Variants in AP2M1 observed in about 807,000 individuals in gnomAD.
AP2M1 encodes the protein adaptor related protein complex 2 subunit mu 1.
A neutral mutation model predicts 54.5 loss-of-function variants in AP2M1; 5 were observed. The observed-to-expected ratio is 0.09, with a 90% CI of 0.05 to 0.19. The LOEUF (loss-of-function observed/expected upper bound fraction) is 0.19, where lower values mean the gene tolerates loss of function less well. Among genes scored for constraint, AP2M1 ranks in the 10% least tolerant of loss-of-function variants. The probability of loss-of-function intolerance (pLI) is 1.00; values close to 1 mark genes in which losing one functional copy is unlikely to be tolerated. For missense variants in AP2M1, 178 were observed against 580.2 expected, an observed-to-expected ratio of 0.31 and a Z score of 7.12; for synonymous variants, 186 against 208.2, an observed-to-expected ratio of 0.89 and a Z score of 0.92.
rs755725698 is a variant in AP2M1 at position 184,182,738 on chromosome 3, A to G, written c.1062-19A>G. 3 of 1,609,980 alleles carry G rather than the reference A, an allele frequency of 1.9e-6. No individual in the cohort carries two copies. The highest frequency in any genetic ancestry group is 4.5e-5 in the East Asian group (2 of 44,758). On this transcript the variant is annotated intron_variant, in intron 10 of 11. Transcript: ENST00000292807. This position sits in a 1 kb window ranked among gnomAD's most constrained non-coding sequence, Gnocchi z 5.5. ...TCCTCCAAGCCCCAATGGGCTGCCC[A>G]TTGTCCCTGTGTTCCCAGGATCAAG...
chr3:184,182,348 C>A lies in AP2M1; in HGVS notation c.1061+100C>A. 7.6e-7 allele frequency: 1 copy of A among 1,316,382 alleles called. No homozygotes were observed. Among genetic ancestry groups the A allele is most frequent in the Non-Finnish European group, 1.0e-6 (1 of 963,134 alleles). The allele number at this position is 1,316,382 out of a possible 1,614,324, so 81.5% of individuals were successfully genotyped here. ...TCTGAATGAGGGGCAGGGGAGTGTG[C>A]CTGTTTGCTTTTCTAGGAGCCTCTG... On this transcript the variant is annotated intron_variant, in intron 10 of 11. Transcript: ENST00000292807. This position sits in a 1 kb window ranked among gnomAD's most constrained non-coding sequence, Gnocchi z 5.5.
In AP2M1 at chr3:184,178,230, G is replaced by T; in HGVS notation, c.75-627G>T. ...TTGGCTGCCGTAGCAATAGGTAAGC[G>T]GCCTCTCAAGCTGCTGCCCAGGTAC... On this transcript the variant is annotated intron_variant, in intron 2 of 11. Transcript: ENST00000292807. The surrounding 1 kb of genome is among the most constrained non-coding windows in gnomAD (Gnocchi z 4.9). 1 of 1,536,066 alleles carries T rather than the reference G, an allele frequency of 6.5e-7. No individual in the cohort carries two copies. The highest frequency in any genetic ancestry group is 1.2e-5 in the South Asian group (1 of 84,062).
Position 184,180,090 on chromosome 3 carries a change from C to T in AP2M1, c.341-79C>T, listed in dbSNP as rs1715222215. On this transcript the variant is annotated intron_variant, in intron 3 of 11. Coordinates refer to ENST00000292807, the MANE Select transcript of AP2M1 (RefSeq NM_004068.4). The surrounding 1 kb of genome is among the most constrained non-coding windows in gnomAD (Gnocchi z 4.9). Reference sequence around the variant, plus strand: ...CCCACATGGGCTTTGGGAGCTGTGCCGGTCAGATGTGTAGGCCCAAGTAGG... The same window carrying T: ...CCCACATGGGCTTTGGGAGCTGTGCTGGTCAGATGTGTAGGCCCAAGTAGG... 5 of 1,365,386 alleles carry T rather than the reference C, an allele frequency of 3.7e-6. No homozygotes were observed. Among genetic ancestry groups the T allele is most frequent in the Admixed American group, 1.8e-5 (1 of 55,734 alleles). 84.6% of individuals were successfully genotyped at this position (1,365,386 alleles called of 1,614,324 possible).
At chr3:184,175,176 G>T in intron 1 of AP2M1, 2 of 392,836 alleles carry the variant, frequency 5.1e-6, no homozygotes, top group Non-Finnish European at 9.0e-6. Flanking sequence ...CACCTGACCC[G>T]CCTGGCGCCT....
intron 2 of AP2M1, chr3:184,177,676 G>T (rs1715120013): frequency 1.4e-6 from 2 of 1,434,248 alleles, no homozygotes; most frequent in African/African-American, 2.8e-5. Flanking sequence ...AGTAGACCCA[G>T]AGCAGCTCCA....
Position 184,183,499 on chromosome 3 carries a change from T to G in AP2M1, c.1191T>G (p.Ser397=), listed in dbSNP as rs749297458. Residue 397 remains serine, a synonymous_variant, in exon 12 of 12, where the codon TCT becomes TCG. Transcript: ENST00000292807. The surrounding 1 kb of genome is among the most constrained non-coding windows in gnomAD (Gnocchi z 5.7). ...TTGCCCAGGTGCCATTCGCGCCCTC[T>G]GGCCTCAAGGTGCGCTACTTGAAGG... is the stretch of plus-strand genomic sequence containing the variant. ...SMNFEVPFAP[S]GLKVRYLKVF... is the part of the protein sequence containing the mutation. 23 of 1,614,070 alleles carry G rather than the reference T, an allele frequency of 1.4e-5. No homozygotes were observed. Among genetic ancestry groups the G allele is most frequent in the Non-Finnish European group, 1.9e-5 (22 of 1,180,038 alleles).
chr3:184,182,291 C>T lies in AP2M1; in HGVS notation c.1061+43C>T. Reference sequence around the variant, plus strand: ...TAGGCCACAGCAGGGCTCAAGATCCCAGTATACCCTCTTGTTTTCAGCTTT... The same window carrying T: ...TAGGCCACAGCAGGGCTCAAGATCCTAGTATACCCTCTTGTTTTCAGCTTT... On this transcript the variant is annotated intron_variant, in intron 10 of 11. Coordinates refer to ENST00000292807, the MANE Select transcript of AP2M1 (RefSeq NM_004068.4). This position sits in a 1 kb window ranked among gnomAD's most constrained non-coding sequence, Gnocchi z 5.5. The T allele has an allele frequency of 1.9e-6, 3 of 1,589,236 alleles. No homozygotes were observed. Among genetic ancestry groups the T allele is most frequent in the Non-Finnish European group, 2.6e-6 (3 of 1,164,168 alleles).
chr3:184,181,529 G>T lies in AP2M1; in HGVS notation c.708-167G>T. ...AGAAGGAGCCCCAAGAGATGAGCTT[G>T]CAAGGCTTCCCTCTCATCCCAAGCT... On this transcript the variant is annotated intron_variant, in intron 7 of 11. Coordinates refer to ENST00000292807, the MANE Select transcript of AP2M1 (RefSeq NM_004068.4). This position sits in a 1 kb window ranked among gnomAD's most constrained non-coding sequence, Gnocchi z 5.7. 1 of 1,006,016 alleles carries T rather than the reference G, an allele frequency of 9.9e-7. No individual in the cohort carries two copies. Among genetic ancestry groups the T allele is most frequent in the Non-Finnish European group, 1.4e-6 (1 of 696,776 alleles). 62.3% of individuals were successfully genotyped at this position (1,006,016 alleles called of 1,614,324 possible).
rs1715312302 is a variant in AP2M1 at position 184,182,665 on chromosome 3, A to C, written c.1062-92A>C. ...TCTCCTTGTTCTGGCACCTCCTGCA[A>C]GCTCCTGGGCTCTCTCCTTGCTTGA... On this transcript the variant is annotated intron_variant, in intron 10 of 11. Transcript: ENST00000292807. The surrounding 1 kb of genome is among the most constrained non-coding windows in gnomAD (Gnocchi z 5.5). 1 of 1,090,188 alleles carries C rather than the reference A, an allele frequency of 9.2e-7. No homozygotes were observed. Among genetic ancestry groups the C allele is most frequent in the Admixed American group, 2.2e-5 (1 of 46,506 alleles). The allele number at this position is 1,090,188 out of a possible 1,614,324, so 67.5% of individuals were successfully genotyped here. A position where few individuals can be genotyped will look rare whatever the true frequency, so the allele number is the denominator to read the frequency against.
At position 184,180,112 on chromosome 3, in the gene AP2M1, T is replaced by C; in HGVS notation, c.341-57T>C. On this transcript the variant is annotated intron_variant, in intron 3 of 11. Transcript: ENST00000292807. This position sits in a 1 kb window ranked among gnomAD's most constrained non-coding sequence, Gnocchi z 4.9. ...TGCCGGTCAGATGTGTAGGCCCAAGTAGGGGCTGGAATGAAGAAGCTCTGT... is the reference window on the plus strand; with the variant it reads ...TGCCGGTCAGATGTGTAGGCCCAAGCAGGGGCTGGAATGAAGAAGCTCTGT... 6 of 1,567,772 alleles carry C rather than the reference T, an allele frequency of 3.8e-6. No homozygotes were observed. Among genetic ancestry groups the C allele is most frequent in the Middle Eastern group, 3.3e-4 (2 of 5,982 alleles).
In AP2M1 at chr3:184,180,293, C is replaced by T. The variant is rs749332461; in HGVS notation, c.423+42C>T. ...GACTATAGTCAGGGTGGAGTCCAAT[C>T]TCCCTTCATCTCAGCTGGCCCCTGA... On this transcript the variant is annotated intron_variant, in intron 4 of 11. Transcript: ENST00000292807. This position sits in a 1 kb window ranked among gnomAD's most constrained non-coding sequence, Gnocchi z 4.9. 1.3e-6 allele frequency: 2 copies of T among 1,599,308 alleles called. No homozygotes were observed. The highest frequency in any genetic ancestry group is 1.7e-6 in the Non-Finnish European group (2 of 1,168,308).
chr3:184,178,319 G>A lies in AP2M1; in HGVS notation c.75-538G>A. 1 of 1,438,984 alleles carries A rather than the reference G, an allele frequency of 6.9e-7. No homozygotes were observed. Among genetic ancestry groups the A allele is most frequent in the Non-Finnish European group, 9.4e-7 (1 of 1,058,518 alleles). The allele number at this position is 1,438,984 out of a possible 1,614,324, so 89.1% of individuals were successfully genotyped here. A position where few individuals can be genotyped will look rare whatever the true frequency, so the allele number is the denominator to read the frequency against. ...CTTTTTCATTCCCTCAACTTGCTCT[G>A]GAGTTGGATCCTGGGCAAGAATGGG... On this transcript the variant is annotated intron_variant, in intron 2 of 11. Transcript: ENST00000292807. This position sits in a 1 kb window ranked among gnomAD's most constrained non-coding sequence, Gnocchi z 4.9.
At position 184,180,259 on chromosome 3, in the gene AP2M1, A is replaced by G; in HGVS notation, c.423+8A>G. ...CAGGGCATCAAGAGTCAGGTACTTG[A>G]ATTGTGCAGACTATAGTCAGGGTGG... On this transcript the variant is annotated splice_region_variant and intron_variant, in intron 4 of 11. Coordinates refer to ENST00000292807, the MANE Select transcript of AP2M1 (RefSeq NM_004068.4). This position sits in a 1 kb window ranked among gnomAD's most constrained non-coding sequence, Gnocchi z 4.9. 6.2e-7 allele frequency: 1 copy of G among 1,613,852 alleles called. No individual in the cohort carries two copies. The highest frequency in any genetic ancestry group is 8.5e-7 in the Non-Finnish European group (1 of 1,179,858).
chr3:184,183,742 C>A lies in AP2M1; in HGVS notation c.*126C>A. On this transcript the variant is annotated 3_prime_UTR_variant, in exon 12 of 12. Coordinates refer to ENST00000292807, the MANE Select transcript of AP2M1 (RefSeq NM_004068.4). This position sits in a 1 kb window ranked among gnomAD's most constrained non-coding sequence, Gnocchi z 5.7. ...TTGCTGCCTTCCCTTTGCACCAGCCCGAGTCTAGGTCTGGGCCAAGCACAT... is the reference window on the plus strand; with the variant it reads ...TTGCTGCCTTCCCTTTGCACCAGCCAGAGTCTAGGTCTGGGCCAAGCACAT... 1 of 1,177,148 alleles carries A rather than the reference C, an allele frequency of 8.5e-7. No homozygotes were observed. The highest frequency in any genetic ancestry group is 1.2e-6 in the Non-Finnish European group (1 of 839,502). 72.9% of individuals were successfully genotyped at this position (1,177,148 alleles called of 1,614,324 possible). A position where few individuals can be genotyped will look rare whatever the true frequency, so the allele number is the denominator to read the frequency against.
Position 184,181,379 on chromosome 3 carries a change from G to T in AP2M1, c.707+153G>T. On this transcript the variant is annotated intron_variant, in intron 7 of 11. Transcript: ENST00000292807. The surrounding 1 kb of genome is among the most constrained non-coding windows in gnomAD (Gnocchi z 5.7). The stretch of plus-strand genomic sequence containing the variant: ...CTGGCTGTTCGCTCTTGACATTAGT[G>T]CTACGAGAGATGAGGGGATCGTCCT... 1.7e-6 allele frequency: 2 copies of T among 1,195,552 alleles called. No individual in the cohort carries two copies. The highest frequency in any genetic ancestry group is 1.5e-5 in the South Asian group (1 of 68,576). 74.1% of individuals were successfully genotyped at this position (1,195,552 alleles called of 1,614,324 possible).
At position 184,181,855 on chromosome 3, in the gene AP2M1, A is replaced by G. The variant is rs1470074501; in HGVS notation, c.827+40A>G. ...TGAGGAGGCAGCTAGTGCTGCTGGC[A>G]GACTGGGGAGAGGAAGTGGGTCAGC... On this transcript the variant is annotated intron_variant, in intron 8 of 11. Coordinates refer to ENST00000292807, the MANE Select transcript of AP2M1 (RefSeq NM_004068.4). This position sits in a 1 kb window ranked among gnomAD's most constrained non-coding sequence, Gnocchi z 5.7. 6.2e-7 allele frequency: 1 copy of G among 1,613,966 alleles called. No individual in the cohort carries two copies. Among genetic ancestry groups the G allele is most frequent in the Non-Finnish European group, 8.5e-7 (1 of 1,179,952 alleles).
intron 1 of AP2M1, among the ~76,000 whole-genome samples, chr3:184,176,312 T>G (rs1193297913): frequency 6.6e-6 from 1 of 152,178 alleles, no homozygotes; most frequent in Non-Finnish European, 1.5e-5. Context: ...CTTCCTCCTG[T>G]GCCCTTTGCC....
At chr3:184,177,313 C>A (rs1003475359) in intron 2 of AP2M1, among the ~76,000 whole-genome samples, 2 of 152,230 alleles carry the variant, frequency 1.3e-5, no homozygotes, top group African/African-American at 4.8e-5. Context: ...GAACTCCTTC[C>A]CTTCCTGCAT....
Position 184,181,918 on chromosome 3 carries a change from C to T in AP2M1, c.834C>T (p.Arg278=), listed in dbSNP as rs1011177817. ...TTGCTTCCCATCCCTTAAGGTATCGCACAACCAAGGACATCATCCTTCCCT... is the reference window on the plus strand; with the variant it reads ...TTGCTTCCCATCCCTTAAGGTATCGTACAACCAAGGACATCATCCTTCCCT... ...PDGEFELMRY[R]TTKDIILPFR... Residue 278 remains arginine (R), a synonymous_variant, in exon 9 of 12, where the codon CGC becomes CGT. Coordinates refer to ENST00000292807, the MANE Select transcript of AP2M1 (RefSeq NM_004068.4). This position sits in a 1 kb window ranked among gnomAD's most constrained non-coding sequence, Gnocchi z 5.7. 1.9e-6 allele frequency: 3 copies of T among 1,614,086 alleles called. No individual in the cohort carries two copies. The highest frequency in any genetic ancestry group is 2.5e-6 in the Non-Finnish European group (3 of 1,179,954).
Sources: allele counts gnomAD v4.1 joint callset (sites outside exome capture counted in the v4.1 genomes callset), GRCh38; gene constraint gnomAD v4.1.1; non-coding constraint Gnocchi (gnomAD v3.1); transcripts MANE v1.5; gene names NCBI Gene and HGNC (gene_info 2026-07-23, HGNC 2026-07-21).